GRM1: variants seen among roughly 807,000 people sequenced by gnomAD.
GRM1 encodes the protein metabotropic glutamate receptor 1.
Under a neutral mutation model 90.9 loss-of-function variants are expected in GRM1, and 33 were observed. The observed-to-expected ratio is 0.36, with a 90% CI of 0.28 to 0.49. The LOEUF is 0.49. GRM1 is among the 20% of genes least tolerant of loss of function. The pLI is 0.99. For synonymous variants in GRM1, 700 were observed against 613.2 expected, an observed-to-expected ratio of 1.14 and a Z score of -2.09; for missense variants, 1,190 against 1,534.3, an observed-to-expected ratio of 0.78 and a Z score of 3.75.
intron 1 of GRM1, among the ~76,000 whole-genome samples, chr6:146,144,459 T>C (rs1372852133): frequency 1.3e-5 from 2 of 152,220 alleles, no homozygotes. Flanking sequence ...TGATACCCTG[T>C]GCTGCCTCAG....
chr6:146,081,583 T>G (rs1238876810), intron 1 of GRM1, among the ~76,000 whole-genome samples: 2 of 152,214 alleles, frequency 1.3e-5, no homozygotes, highest in Non-Finnish European at 2.9e-5. Context: ...GCCCGTAGTT[T>G]GCAGAAAGAT....
chr6:146,241,949 CTTAG>C (rs1301605174), intron 2 of GRM1, among the ~76,000 whole-genome samples: 1 of 152,054 alleles, frequency 6.6e-6, no homozygotes, highest in East Asian at 1.9e-4. Flanking sequence ...CCAGGGAAGC[CTTAG>C]GCTTCTAAAA....
rs1035339233 is a variant in GRM1, at chr6:146,060,739, G to T, written c.700+30522G>T. Among the ~76,000 whole-genome samples the T allele has an allele frequency of 1.8e-4, 27 of 152,244 alleles. 1 individual carries two copies. The highest frequency in any genetic ancestry group is 2.6e-4 in the Non-Finnish European group (18 of 68,006). On this transcript the variant is annotated intron_variant, in intron 1 of 7. Coordinates refer to ENST00000282753, the MANE Select transcript of GRM1 (RefSeq NM_001278064.2). ...CACATGGGTGTCTTTATGGTAGAATGATTTATATTCATCTGGGTGTATACT... is the reference window on the plus strand; with the variant it reads ...CACATGGGTGTCTTTATGGTAGAATTATTTATATTCATCTGGGTGTATACT...
chr6:146,352,296 G>A lies in GRM1; in HGVS notation c.1233G>A (p.Gly411=). The change falls in exon 4 of 8, where the codon GGG becomes GGA. Residue 411 remains glycine (G), a synonymous_variant. Coordinates refer to ENST00000282753, the MANE Select transcript of GRM1 (RefSeq NM_001278064.2). Reference sequence around the variant, plus strand: ...ACTATGTCCAGGACAGTAAGATGGGGTTTGTCATCAATGCCATCTATGCCA... The same window carrying A: ...ACTATGTCCAGGACAGTAAGATGGGATTTGTCATCAATGCCATCTATGCCA... ...EENYVQDSKM[G]FVINAIYAMA... The A allele has an allele frequency of 6.2e-7, 1 of 1,613,390 alleles. No homozygotes were observed. The highest frequency in any genetic ancestry group is 8.5e-7 in the Non-Finnish European group (1 of 1,179,308).
chr6:146,325,140 C>T (rs1346499897), intron 3 of GRM1, among the ~76,000 whole-genome samples: 2 of 152,144 alleles, frequency 1.3e-5, no homozygotes, highest in Non-Finnish European at 2.9e-5. Flanking sequence ...AATAATCAGG[C>T]ATTACTGTCC....
intron 1 of GRM1, among the ~76,000 whole-genome samples, chr6:146,074,007 A>G (rs1022540877): frequency 1.3e-5 from 2 of 152,190 alleles, no homozygotes; most frequent in African/African-American, 2.4e-5. Context: ...AAGTCTATAA[A>G]AATCACCAAG....
chr6:146,307,758 T>C (rs1783630139), intron 3 of GRM1, among the ~76,000 whole-genome samples: 1 of 152,194 alleles, frequency 6.6e-6, no homozygotes, highest in Non-Finnish European at 1.5e-5. Flanking sequence ...AGTTTTGATA[T>C]TGCTATTAGT....
At chr6:146,183,318 T>C (rs1048790215) in intron 2 of GRM1, among the ~76,000 whole-genome samples, 1 of 152,194 alleles carries the variant, frequency 6.6e-6, no homozygotes, top group Non-Finnish European at 1.5e-5. Flanking sequence ...GAAGAGTTTA[T>C]TCTTTCTTTT....
chr6:146,161,553 G>A (rs1330097562), intron 2 of GRM1, among the ~76,000 whole-genome samples: 1 of 151,960 alleles, frequency 6.6e-6, no homozygotes, highest in African/African-American at 2.4e-5. Context: ...CCTCTTACCT[G>A]CCCCACCTCT....
intron 4 of GRM1, among the ~76,000 whole-genome samples, chr6:146,353,142 C>T (rs1300390267): frequency 6.6e-6 from 1 of 152,192 alleles, no homozygotes; most frequent in Non-Finnish European, 1.5e-5. Flanking sequence ...ACAGTCTGCT[C>T]TGCAATACTT....
intron 2 of GRM1, among the ~76,000 whole-genome samples, chr6:146,234,454 G>A (rs1780563074): frequency 6.6e-6 from 1 of 151,680 alleles, no homozygotes; most frequent in African/African-American, 2.4e-5. Context: ...TTGTCTTTAT[G>A]ATTGCCTTAT....
Position 146,152,145 on chromosome 6 carries a change from G to A in GRM1, c.701-7203G>A, listed in dbSNP as rs532495838. On this transcript the variant is annotated intron_variant, in intron 1 of 7. Coordinates refer to ENST00000282753, the MANE Select transcript of GRM1 (RefSeq NM_001278064.2). ...TAGCACATTACCACGTTGCAATCTT[G>A]TAGGGGTATGCCAGAGGCCTCACTA... 6.6e-4 allele frequency among the ~76,000 whole-genome samples: 100 copies of A among 152,184 alleles called. 1 individual carries two copies. The South Asian group carries it at 0.02, about 30-fold the overall frequency.
intron 1 of GRM1, among the ~76,000 whole-genome samples, chr6:146,048,886 T>G (rs1371669801): frequency 6.6e-6 from 1 of 151,970 alleles, no homozygotes; most frequent in Admixed American, 6.6e-5. Flanking sequence ...ATCGACACCT[T>G]AATTTCAGAT....
intron 2 of GRM1, among the ~76,000 whole-genome samples, chr6:146,277,393 G>C (rs1782413461): frequency 6.6e-6 from 1 of 152,154 alleles, no homozygotes; most frequent in South Asian, 2.1e-4. Flanking sequence ...GGGCCACCCA[G>C]CACCGGTTAG....
At chr6:146,028,541 C>A (rs1370694073), upstream of GRM1, among the ~76,000 whole-genome samples, 4 of 151,916 alleles carry the variant, frequency 2.6e-5, no homozygotes, top group African/African-American at 7.3e-5. Context: ...CCGCGGGAAA[C>A]AAGTTACCTT....
chr6:146,178,134 A>G (rs1181822787), intron 2 of GRM1, among the ~76,000 whole-genome samples: 1 of 152,124 alleles, frequency 6.6e-6, no homozygotes, highest in Non-Finnish European at 1.5e-5. Flanking sequence ...AGAATACCAC[A>G]TTCTCTTTAG....
At chr6:146,371,563 A>G (rs1775902714) in intron 5 of GRM1, among the ~76,000 whole-genome samples, 1 of 152,038 alleles carries the variant, frequency 6.6e-6, no homozygotes, top group Non-Finnish European at 1.5e-5. Flanking sequence ...AGTAGGTTTT[A>G]TCCATTCTAT....
intron 2 of GRM1, among the ~76,000 whole-genome samples, chr6:146,217,482 G>T (rs1226131672): frequency 6.6e-6 from 1 of 152,172 alleles, no homozygotes; most frequent in Non-Finnish European, 1.5e-5. Context: ...ATTTGTCTGA[G>T]CAACTAATAA....
chr6:146,060,345 C>T (rs1343249067), intron 1 of GRM1, among the ~76,000 whole-genome samples: 3 of 151,864 alleles, frequency 2.0e-5, no homozygotes, highest in Admixed American at 1.3e-4. Flanking sequence ...TATTTCATTG[C>T]CCGGGTAATA....
Sources: allele counts gnomAD v4.1 joint callset (sites outside exome capture counted in the v4.1 genomes callset), GRCh38; gene constraint gnomAD v4.1.1; transcripts MANE v1.5; gene names NCBI Gene and HGNC (gene_info 2026-07-23, HGNC 2026-07-21).